STAG1: variants seen among roughly 807,000 people sequenced by gnomAD.
The protein encoded by STAG1 is STAG1 cohesin complex component, also known as cohesin subunit SA-1.
STAG1 carries 26 observed loss-of-function variants against 170.9 expected under a neutral mutation model. The observed-to-expected ratio is 0.15, with a 90% CI of 0.11 to 0.21. The LOEUF (loss-of-function observed/expected upper bound fraction) is 0.21. Ranked by LOEUF, STAG1 falls within the 10% of genes least tolerant of loss-of-function variation. STAG1 has a pLI of 1.00. For synonymous variants in STAG1, 514 were observed against 497.7 expected, an observed-to-expected ratio of 1.03 and a Z score of -0.44; for missense variants, 964 against 1,509.5, an observed-to-expected ratio of 0.64 and a Z score of 5.99.
chr3:136,547,116 T>C (rs1281891436), intron 5 of STAG1, among the ~76,000 whole-genome samples: 4 of 152,360 alleles, frequency 2.6e-5, no homozygotes, highest in Non-Finnish European at 5.9e-5. Flanking sequence ...ACTGAATTCC[T>C]ATAGCATTTT....
Position 136,373,989 on chromosome 3 carries a change from G to T in STAG1, c.2370+3671C>A, listed in dbSNP as rs539005555. On this transcript the variant is annotated intron_variant, in intron 23 of 33. Coordinates refer to ENST00000383202, the MANE Select transcript of STAG1 (RefSeq NM_005862.3). ...GTGTGGGAGTCTAAGTCTCTTTGTA[G>T]GTCACTAAGGACTTGCTTTATGAAT... Among the ~76,000 whole-genome samples the T allele has an allele frequency of 8.5e-5, 13 of 152,222 alleles. No homozygotes were observed. In the South Asian group the frequency reaches 2.7e-3, roughly 32 times the overall value.
At chr3:136,388,919 C>T (rs896334137) in intron 22 of STAG1, among the ~76,000 whole-genome samples, 4 of 152,062 alleles carry the variant, frequency 2.6e-5, no homozygotes, top group Non-Finnish European at 5.9e-5. Context: ...AATCTCTGTA[C>T]TAGAAAGTGT....
intron 32 of STAG1, 72 bp from the exon 33 acceptor site, chr3:136,338,522 T>C: frequency 2.7e-6 from 3 of 1,113,118 alleles, no homozygotes; most frequent in Non-Finnish European, 4.1e-6. Context: ...AATCAGCTAA[T>C]ATTTCTGACA....
At chr3:136,582,443 GA>G (rs1464632621) in intron 4 of STAG1, among the ~76,000 whole-genome samples, 1 of 152,238 alleles carries the variant, frequency 6.6e-6, no homozygotes, top group East Asian at 1.9e-4. Context: ...AAAAAGGAAG[GA>G]AAAAATCCTT....
intron 1 of STAG1, among the ~76,000 whole-genome samples, chr3:136,716,271 A>G (rs972876683): frequency 2.0e-5 from 3 of 152,000 alleles, no homozygotes; most frequent in Non-Finnish European, 4.4e-5. Context: ...AGCCTGACTA[A>G]CATATAGTGA....
rs374988670 is a variant in STAG1 at position 136,703,788 on chromosome 3, T to C, written c.-84+48407A>G. ...ACTTTGGGAGGCTGAAGCAGGTGGA[T>C]CACCTGAGGGCAGGAGTTCAAGACC... On this transcript the variant is annotated intron_variant, in intron 1 of 33. Transcript: ENST00000383202. Among the ~76,000 whole-genome samples, 10 of 152,010 alleles carry C rather than the reference T, an allele frequency of 6.6e-5. No homozygotes were observed. The South Asian group carries it at 2.1e-3, about 32-fold the overall frequency.
rs956934022 is a variant in STAG1, at chr3:136,502,665, T to C, written c.791A>G (p.Asn264Ser). The C allele has an allele frequency of 1.2e-5, 19 of 1,613,906 alleles. No homozygotes were observed. The highest frequency in any genetic ancestry group is 9.3e-5 in the African/African-American group (7 of 74,946). Residue 264 changes from asparagine (N) to serine (S), a missense_variant, in exon 8 of 34, where the codon AAT (asparagine) becomes AGT (serine). Coordinates refer to ENST00000383202, the MANE Select transcript of STAG1 (RefSeq NM_005862.3). ...ERNKMIGKRA[N>S]ERLELLLQKR... ...CTGAAGTAGTAACTCCAACCTTTCATTGGCTCTCTTCCCAATCATTTTATT... is the reference window on the plus strand; with the variant it reads ...CTGAAGTAGTAACTCCAACCTTTCACTGGCTCTCTTCCCAATCATTTTATT...
chr3:136,518,524 A>G (rs1001944023), intron 7 of STAG1: 9 of 623,002 alleles, frequency 1.4e-5, no homozygotes, highest in Admixed American at 2.4e-5. Context: ...AAAGAGGGAT[A>G]ATTGTTGTCC....
chr3:136,469,769 A>G (rs926499921), intron 12 of STAG1, among the ~76,000 whole-genome samples: 11 of 152,040 alleles, frequency 7.2e-5, no homozygotes, highest in Admixed American at 5.9e-4. Context: ...ACAGCATGGT[A>G]CTGGTACCAA....
intron 3 of STAG1, among the ~76,000 whole-genome samples, chr3:136,618,487 T>C (rs934232855): frequency 2.0e-5 from 3 of 152,214 alleles, no homozygotes; most frequent in Admixed American, 6.5e-5. Context: ...ACTGAAACTT[T>C]ATATACAACA....
intron 14 of STAG1, among the ~76,000 whole-genome samples, chr3:136,446,645 A>T (rs1480652312): frequency 1.7e-4 from 26 of 151,436 alleles, no homozygotes. Context: ...CTGGTCCTGA[A>T]CTCCTGACCT....
At chr3:136,694,541 A>T (rs1393235884) in intron 1 of STAG1, among the ~76,000 whole-genome samples, 1 of 151,816 alleles carries the variant, frequency 6.6e-6, no homozygotes, top group Non-Finnish European at 1.5e-5. Flanking sequence ...AGTTCAGCCC[A>T]GGAGGTTGGG....
At chr3:136,730,510 CTG>C (rs1933951712) in intron 1 of STAG1, among the ~76,000 whole-genome samples, 1 of 152,154 alleles carries the variant, frequency 6.6e-6, no homozygotes, top group Non-Finnish European at 1.5e-5. Flanking sequence ...CATAAAACTG[CTG>C]TGTTGTTTAA....
intron 21 of STAG1, among the ~76,000 whole-genome samples, chr3:136,410,150 A>C (rs1439837559): frequency 1.3e-5 from 2 of 151,908 alleles, no homozygotes; most frequent in Non-Finnish European, 2.9e-5. Context: ...CTGGAATCCC[A>C]GAACTCTGGG....
At chr3:136,426,000 C>T (rs1048899499) in intron 16 of STAG1, among the ~76,000 whole-genome samples, 1 of 150,758 alleles carries the variant, frequency 6.6e-6, no homozygotes, top group African/African-American at 2.4e-5. Flanking sequence ...AGGGGAAATC[C>T]TTGTACATTT....
At chr3:136,716,228 G>A (rs1014553643) in intron 1 of STAG1, among the ~76,000 whole-genome samples, 7 of 151,988 alleles carry the variant, frequency 4.6e-5, no homozygotes, top group Admixed American at 3.3e-4. Flanking sequence ...AGGCTGAGAT[G>A]GGTGGATCAC....
chr3:136,421,352 TAA>T (rs2087952365), intron 19 of STAG1, among the ~76,000 whole-genome samples, 189 bp from the exon 20 acceptor site: 1 of 152,206 alleles, frequency 6.6e-6, no homozygotes, highest in Non-Finnish European at 1.5e-5. Context: ...TTCTGCATTT[TAA>T]ATAATGTTGT....
intron 23 of STAG1, among the ~76,000 whole-genome samples, chr3:136,369,644 T>C (rs922210263): frequency 2.6e-5 from 4 of 151,986 alleles, no homozygotes; most frequent in African/African-American, 7.3e-5. Context: ...AAATACAAAA[T>C]TGATAGATTA....
rs778134348 is a variant in STAG1 at position 136,471,939 on chromosome 3, G to A, written c.1205+474C>T. On this transcript the variant is annotated intron_variant, in intron 12 of 33. Transcript: ENST00000383202. Reference sequence around the variant, plus strand: ...TGCAGCTTTGACCTTCTGGGCTCAAGCGACCCTCCCACCTTAGCCTCCTAA... The same window carrying A: ...TGCAGCTTTGACCTTCTGGGCTCAAACGACCCTCCCACCTTAGCCTCCTAA... 7.9e-5 allele frequency among the ~76,000 whole-genome samples: 12 copies of A among 152,238 alleles called. No individual in the cohort carries two copies. In the East Asian group the frequency reaches 2.3e-3, roughly 29 times the overall value.
Sources: gnomAD v4.1 joint callset for allele counts (sites outside exome capture counted in the v4.1 genomes callset) on GRCh38, gnomAD v4.1.1 for gene constraint, MANE v1.5 for transcripts, NCBI Gene and HGNC (gene_info 2026-07-23, HGNC 2026-07-21) for gene names.